Variants in SLC22A3 observed in about 807,000 individuals in gnomAD.
SLC22A3 encodes EMT organic cation transporter 3.
SLC22A3 carries 51 observed loss-of-function variants against 59.1 expected under a neutral mutation model. The ratio of observed to expected loss-of-function variants is 0.86; its 90% CI spans 0.69 to 1.09. The LOEUF (loss-of-function observed/expected upper bound fraction) is 1.09. Among genes scored for constraint, SLC22A3 ranks in the 50% least tolerant of loss-of-function variants. The pLI, the probability that SLC22A3 is intolerant of heterozygous loss-of-function variation, is 0.00. For synonymous variants in SLC22A3, 325 were observed against 292.0 expected, an observed-to-expected ratio of 1.11 and a Z score of -1.15; for missense variants, 711 against 726.3, an observed-to-expected ratio of 0.98 and a Z score of 0.24.
intron 2 of SLC22A3, among the ~76,000 whole-genome samples, chr6:160,403,113 C>A (rs2457014): frequency 2.0e-5 from 3 of 150,990 alleles, no homozygotes; most frequent in Non-Finnish European, 3.0e-5. Flanking sequence ...TTGAAACGAT[C>A]AAAAAAAATC....
At chr6:160,400,464 A>T (rs1408006557) in intron 2 of SLC22A3, among the ~76,000 whole-genome samples, 1 of 152,100 alleles carries the variant, frequency 6.6e-6, no homozygotes, top group Admixed American at 6.6e-5. Flanking sequence ...ATAGAGAAGC[A>T]TTTGTGAAGT....
intron 1 of SLC22A3, among the ~76,000 whole-genome samples, chr6:160,359,825 G>T (rs993103244): frequency 1.3e-5 from 2 of 151,934 alleles, no homozygotes; most frequent in Admixed American, 1.3e-4. Context: ...GTCTATGTTT[G>T]AACAGTGATT....
At position 160,413,968 on chromosome 6, in the gene SLC22A3, TA is replaced by T. The variant is rs1562491357; in HGVS notation, c.975+3129del. On this transcript the variant is annotated intron_variant, in intron 5 of 10. Transcript: ENST00000275300. ...TTTCATTTCATTCCAACTTTGGGAATAAAAAAATTCCTGGGGTTTTTCTCCT... is the reference window on the plus strand; with the variant it reads ...TTTCATTTCATTCCAACTTTGGGAATAAAAAATTCCTGGGGTTTTTCTCCT... Among the ~76,000 whole-genome samples, 5 of 152,182 alleles carry T rather than the reference TA, an allele frequency of 3.3e-5. No homozygotes were observed. In the South Asian group the frequency reaches 1.0e-3, roughly 32 times the overall value.
chr6:160,352,935 C>T (rs1433646625), intron 1 of SLC22A3, among the ~76,000 whole-genome samples: 3 of 152,204 alleles, frequency 2.0e-5, no homozygotes, highest in Non-Finnish European at 4.4e-5. Flanking sequence ...ATTCTCCTCC[C>T]TCAGCCTCCT....
At chr6:160,427,531 A>G (rs1279493690) in intron 5 of SLC22A3, among the ~76,000 whole-genome samples, 1 of 152,224 alleles carries the variant, frequency 6.6e-6, no homozygotes, top group Non-Finnish European at 1.5e-5. Flanking sequence ...AACAGCTGGA[A>G]CAGTTCCCTC....
At chr6:160,400,226 AAT>A (rs1786711777) in intron 2 of SLC22A3, among the ~76,000 whole-genome samples, 1 of 151,752 alleles carries the variant, frequency 6.6e-6, no homozygotes, top group Admixed American at 6.6e-5. Flanking sequence ...CGTTCTTAAC[AAT>A]GTCTGCCCTC....
chr6:160,434,925 T>C (rs1788282119), intron 5 of SLC22A3, among the ~76,000 whole-genome samples: 1 of 152,230 alleles, frequency 6.6e-6, no homozygotes, highest in East Asian at 1.9e-4. Flanking sequence ...CAAGCTCTAG[T>C]GAGGCAGCTC....
chr6:160,379,506 C>T (rs1251200441), intron 1 of SLC22A3, among the ~76,000 whole-genome samples: 1 of 152,182 alleles, frequency 6.6e-6, no homozygotes, highest in African/African-American at 2.4e-5. Flanking sequence ...TAGTACCTTC[C>T]TTTTTCCAAA....
At chr6:160,419,357 A>AAAG (rs1160316375) in intron 5 of SLC22A3, among the ~76,000 whole-genome samples, 3 of 152,170 alleles carry the variant, frequency 2.0e-5, no homozygotes, top group Admixed American at 2.0e-4. Flanking sequence ...TCTTCTTCCA[A>AAAG]AAGAGGAACC....
At chr6:160,352,427 CT>C (rs1215280414) in intron 1 of SLC22A3, among the ~76,000 whole-genome samples, 1 of 152,174 alleles carries the variant, frequency 6.6e-6, no homozygotes. Context: ...GTCTGACCCC[CT>C]GTCCCAAATA....
At chr6:160,438,494 T>C (rs1489397283) in intron 7 of SLC22A3, among the ~76,000 whole-genome samples, 2 of 151,762 alleles carry the variant, frequency 1.3e-5, no homozygotes, top group Non-Finnish European at 2.9e-5. Flanking sequence ...TACAGATGAG[T>C]TTATTAATTA....
At chr6:160,364,399 G>T (rs1206908163) in intron 1 of SLC22A3, among the ~76,000 whole-genome samples, 1 of 152,158 alleles carries the variant, frequency 6.6e-6, no homozygotes, top group Non-Finnish European at 1.5e-5. Flanking sequence ...CAGCCTTCAT[G>T]GTGGCACCAC....
chr6:160,426,115 G>A (rs1472197859), intron 5 of SLC22A3: 2 of 985,290 alleles, frequency 2.0e-6, no homozygotes, highest in African/African-American at 3.5e-5. Context: ...TTACATGATT[G>A]TGATCTTTAT....
intron 1 of SLC22A3, among the ~76,000 whole-genome samples, chr6:160,397,212 C>T (rs941602291): frequency 6.6e-6 from 1 of 152,088 alleles, no homozygotes; most frequent in Non-Finnish European, 1.5e-5. Flanking sequence ...TAGTTAGATT[C>T]TCATAAGAAG....
chr6:160,412,351 G>A (rs2114863797), intron 5 of SLC22A3, among the ~76,000 whole-genome samples: 1 of 152,196 alleles, frequency 6.6e-6, no homozygotes, highest in South Asian at 2.1e-4. Context: ...CAAAAAGAGT[G>A]AAACTCTGTC....
At chr6:160,422,879 C>G (rs551102110) in intron 5 of SLC22A3, among the ~76,000 whole-genome samples, 1 of 151,790 alleles carries the variant, frequency 6.6e-6, no homozygotes, top group Admixed American at 6.6e-5. Flanking sequence ...ATGTGCACAA[C>G]GTGCAGGTTT....
rs190420604 is a variant in SLC22A3, at chr6:160,445,142, C to T, written c.1510+1400C>T. Among the ~76,000 whole-genome samples, 290 of 152,340 alleles carry T rather than the reference C, an allele frequency of 1.9e-3. 2 individuals are homozygous for T. The highest frequency in any genetic ancestry group is 2.7e-3 in the Non-Finnish European group (181 of 68,030). On this transcript the variant is annotated intron_variant, in intron 9 of 10. Coordinates refer to ENST00000275300, the MANE Select transcript of SLC22A3 (RefSeq NM_021977.4). ...CAGCGACAACAGAATGTGATAACTG[C>T]TGAGACCCTGAAAGCAGAGGCTCCT...
chr6:160,395,060 G>A (rs1786416474), intron 1 of SLC22A3, among the ~76,000 whole-genome samples: 1 of 152,214 alleles, frequency 6.6e-6, no homozygotes, highest in Non-Finnish European at 1.5e-5. Context: ...AGAAGGGCAG[G>A]CAGTATCTGG....
intron 1 of SLC22A3, among the ~76,000 whole-genome samples, chr6:160,392,921 C>G (rs1786319866): frequency 6.7e-6 from 1 of 148,496 alleles, no homozygotes; most frequent in African/African-American, 2.6e-5. Flanking sequence ...ATTTTTAATA[C>G]TGATGAAGAG....
Sources: allele counts gnomAD v4.1 joint callset (sites outside exome capture counted in the v4.1 genomes callset), GRCh38; gene constraint gnomAD v4.1.1; transcripts MANE v1.5; gene names NCBI Gene and HGNC (gene_info 2026-07-23, HGNC 2026-07-21).